Variants in FRMD4A observed in about 807,000 individuals in gnomAD.
FRMD4A encodes the protein FERM domain-containing protein 4A.
A neutral mutation model predicts 129.1 loss-of-function variants in FRMD4A; 29 were observed. The ratio of observed to expected loss-of-function variants is 0.22; its 90% CI spans 0.17 to 0.31. The LOEUF is 0.31. Ranked by LOEUF, FRMD4A falls within the 10% of genes least tolerant of loss-of-function variation. FRMD4A has a pLI of 1.00. For missense variants in FRMD4A, 1,272 were observed against 1,375.8 expected (o/e 0.92, Z 1.19); for synonymous variants, 634 against 571.6 (o/e 1.11, Z -1.56).
intron 2 of FRMD4A, among the ~76,000 whole-genome samples, chr10:14,115,765 T>C (rs1184238563): frequency 6.6e-6 from 1 of 152,208 alleles, no homozygotes; most frequent in Non-Finnish European, 1.5e-5. Context: ...GATTGGAAGC[T>C]TCCTGAGGTC....
At chr10:14,071,125 C>A (rs960267788) in intron 2 of FRMD4A, among the ~76,000 whole-genome samples, 5 of 152,366 alleles carry the variant, frequency 3.3e-5, no homozygotes, top group African/African-American at 1.2e-4. Flanking sequence ...CTTGATTTGC[C>A]TTTCTGATGC....
intron 14 of FRMD4A, among the ~76,000 whole-genome samples, chr10:13,695,295 C>G (rs1258478064): frequency 1.3e-5 from 2 of 152,050 alleles, no homozygotes; most frequent in African/African-American, 4.8e-5. Context: ...TGTCCACCAC[C>G]ACGCCCAGCT....
intron 2 of FRMD4A, among the ~76,000 whole-genome samples, chr10:14,208,350 A>G (rs1305561926): frequency 6.6e-6 from 1 of 152,144 alleles, no homozygotes; most frequent in African/African-American, 2.4e-5. Context: ...GGGCTCCCCC[A>G]GGTCTCTGGG....
At chr10:13,717,269 T>C (rs1413793290) in intron 12 of FRMD4A, among the ~76,000 whole-genome samples, 4 of 152,204 alleles carry the variant, frequency 2.6e-5, no homozygotes, top group Non-Finnish European at 4.4e-5. Flanking sequence ...TTCACCTGCT[T>C]TGGCCAAGGC....
In FRMD4A at chr10:13,873,675, C is replaced by T. The variant is rs545016596; in HGVS notation, c.46-14763G>A. ...GATTCTTGTGCCTCAGCCTCCCGAG[C>T]AGCTGAGATTACAGGCACCAGCCAC... On this transcript the variant is annotated intron_variant, in intron 2 of 24. Coordinates refer to ENST00000357447, the MANE Select transcript of FRMD4A (RefSeq NM_018027.5). Among the ~76,000 whole-genome samples, 92 of 152,174 alleles carry T rather than the reference C, an allele frequency of 6.0e-4. 1 individual carries two copies. Among genetic ancestry groups the T allele is most frequent in the African/African-American group, 1.9e-3 (81 of 41,542 alleles).
At chr10:14,248,952 C>T (rs1844338882) in intron 2 of FRMD4A, among the ~76,000 whole-genome samples, 2 of 152,150 alleles carry the variant, frequency 1.3e-5, no homozygotes, top group Non-Finnish European at 2.9e-5. Context: ...TTTGGAAATG[C>T]CTTCTTTTCT....
At chr10:13,708,105 AAAG>A (rs1410246925) in intron 12 of FRMD4A, among the ~76,000 whole-genome samples, 4 of 152,192 alleles carry the variant, frequency 2.6e-5, no homozygotes, top group African/African-American at 9.7e-5. Context: ...TATTTTGCGG[AAAG>A]AAGGGGTAAA....
rs1380089737 is a variant in FRMD4A at position 14,089,635 on chromosome 10, A to AC, written c.46-230724_46-230723insG. Among the ~76,000 whole-genome samples the AC allele has an allele frequency of 1.9e-3, 277 of 142,342 alleles. 4 individuals carry two copies. Among genetic ancestry groups the AC allele is most frequent in the Admixed American group, 4.9e-3 (71 of 14,546 alleles). The allele number at this position is 142,342 out of a possible 152,430, so 93.4% of individuals were successfully genotyped here. On this transcript the variant is annotated intron_variant, in intron 2 of 24. Transcript: ENST00000357447. ...TTTTCAAGCAAAAAAAAAAACAAAAAAAAACAAACAAAAAAAAAACAGAAG... is the reference window on the plus strand; with the variant it reads ...TTTTCAAGCAAAAAAAAAAACAAAAACAAAACAAACAAAAAAAAAACAGAAG...
At chr10:13,733,417 C>T (rs2090436810) in intron 12 of FRMD4A, among the ~76,000 whole-genome samples, 1 of 151,894 alleles carries the variant, frequency 6.6e-6, no homozygotes, top group Non-Finnish European at 1.5e-5. Context: ...TTTTGCTTTC[C>T]CTCAAGGGCT....
At chr10:14,212,084 C>T (rs1275128045) in intron 2 of FRMD4A, among the ~76,000 whole-genome samples, 2 of 152,078 alleles carry the variant, frequency 1.3e-5, no homozygotes, top group Non-Finnish European at 2.9e-5. Context: ...GAAAAAGTGT[C>T]CCAGGGTAGC....
At chr10:13,689,490 T>G (rs1051308856) in intron 15 of FRMD4A, among the ~76,000 whole-genome samples, 2 of 151,106 alleles carry the variant, frequency 1.3e-5, no homozygotes, top group Non-Finnish European at 1.5e-5. Context: ...ACAGATCCTA[T>G]GGGAGGTATC....
At chr10:13,763,870 G>A (rs2092173200) in intron 6 of FRMD4A, among the ~76,000 whole-genome samples, 1 of 151,890 alleles carries the variant, frequency 6.6e-6, no homozygotes, top group Non-Finnish European at 1.5e-5. Flanking sequence ...CGAGTAGCTG[G>A]GACTACAGGC....
rs78177447 is a variant in FRMD4A, at chr10:14,157,970, G to A, written c.45+172088C>T. On this transcript the variant is annotated intron_variant, in intron 2 of 24. Coordinates refer to ENST00000357447, the MANE Select transcript of FRMD4A (RefSeq NM_018027.5). ...GAAAAGGGCAGAACCCAGGCACAAAGCTCAGCATGGACAGAGACATAAGGG... is the reference window on the plus strand; with the variant it reads ...GAAAAGGGCAGAACCCAGGCACAAAACTCAGCATGGACAGAGACATAAGGG... Among the ~76,000 whole-genome samples, 1,333 of 152,302 alleles carry A rather than the reference G, an allele frequency of 8.8e-3. 8 individuals carry two copies. Among genetic ancestry groups the A allele is most frequent in the Non-Finnish European group, 0.015 (1,023 of 68,032 alleles).
In FRMD4A at chr10:14,133,837, C is replaced by A. The variant is rs565667525; in HGVS notation, c.45+196221G>T. 4.6e-5 allele frequency among the ~76,000 whole-genome samples: 7 copies of A among 152,324 alleles called. No homozygotes were observed. The South Asian group carries it at 6.2e-4, about 14-fold the overall frequency. On this transcript the variant is annotated intron_variant, in intron 2 of 24. Transcript: ENST00000357447. ...CATCATTTCGAGGACAAGGGGCCAA[C>A]CTCTAACTCCACCTCTGGAATGAAA...
chr10:13,847,271 A>G (rs1449196720), intron 3 of FRMD4A, among the ~76,000 whole-genome samples: 1 of 152,192 alleles, frequency 6.6e-6, no homozygotes, highest in East Asian at 1.9e-4. Context: ...CTCTGGCAAA[A>G]TATGGAAATC....
chr10:14,132,043 C>T (rs371996479), intron 2 of FRMD4A, among the ~76,000 whole-genome samples: 89 of 152,258 alleles, frequency 5.8e-4, no homozygotes, highest in African/African-American at 2.0e-3. Context: ...CCCAGCACTT[C>T]GGGAGGCCAA....
intron 2 of FRMD4A, among the ~76,000 whole-genome samples, chr10:14,018,830 T>A (rs889652034): frequency 3.9e-5 from 6 of 152,166 alleles, no homozygotes; most frequent in African/African-American, 1.4e-4. Context: ...GGGGAGATGA[T>A]AATGAGTAGC....
chr10:14,012,413 G>C (rs1207720903), intron 2 of FRMD4A, among the ~76,000 whole-genome samples: 1 of 152,284 alleles, frequency 6.6e-6, no homozygotes, highest in East Asian at 1.9e-4. Context: ...CAGGTTTCAG[G>C]AAAGTCAATG....
chr10:14,080,072 G>A (rs891974416), intron 2 of FRMD4A, among the ~76,000 whole-genome samples: 14 of 152,204 alleles, frequency 9.2e-5, no homozygotes, highest in African/African-American at 3.4e-4. Flanking sequence ...GGAATTGAAT[G>A]TAAAATGCTG....
Sources: allele counts gnomAD v4.1 joint callset (sites outside exome capture counted in the v4.1 genomes callset), GRCh38; gene constraint gnomAD v4.1.1; transcripts MANE v1.5; gene names NCBI Gene and HGNC (gene_info 2026-07-23, HGNC 2026-07-21).